Variants in MORN1 observed in about 807,000 individuals in gnomAD.
MORN1 encodes MORN repeat-containing protein 1.
MORN1 carries 67 observed loss-of-function variants against 61.9 expected under a neutral mutation model. The observed-to-expected ratio is 1.08, with a 90% CI of 0.89 to 1.33. The LOEUF (loss-of-function observed/expected upper bound fraction) is 1.33, where lower values mean the gene tolerates loss of function less well. MORN1 is among the 40% of genes most tolerant of loss of function. The probability of loss-of-function intolerance (pLI) is 0.00; values close to 1 mark genes in which losing one functional copy is unlikely to be tolerated. For missense variants in MORN1, 752 were observed against 691.2 expected (o/e 1.09, Z -0.99); for synonymous variants, 301 against 292.0 (o/e 1.03, Z -0.31).
At chr1:2,387,214 G>A (rs3736331) in intron 4 of MORN1, 43,934 of 592,046 alleles carry the variant, frequency 0.074, 2,762 homozygotes, top group South Asian at 0.22. Flanking sequence ...ATCAAGCGCC[G>A]CAGGACCCGC....
intron 13 of MORN1, chr1:2,321,962 T>G: frequency 2.1e-6 from 2 of 960,640 alleles, no homozygotes. Context: ...GCAAATACTT[T>G]CCTACTTTTT....
chr1:2,324,943 G>C lies in MORN1; in HGVS notation c.1251-800C>G, dbSNP rs377021319. On this transcript the variant is annotated intron_variant, in intron 12 of 13. Coordinates refer to ENST00000378531, the MANE Select transcript of MORN1 (RefSeq NM_024848.3). Reference sequence around the variant, plus strand: ...CTGAGGACGTGGCCATGGCCCTGGCGGGGAGGAGGCAGTCCCTGCACGTGA... The same window carrying C: ...CTGAGGACGTGGCCATGGCCCTGGCCGGGAGGAGGCAGTCCCTGCACGTGA... 1.9e-3 allele frequency among the ~76,000 whole-genome samples: 281 copies of C among 149,366 alleles called. 1 individual carries two copies. Among genetic ancestry groups the C allele is most frequent in the Middle Eastern group, 6.9e-3 (2 of 290 alleles).
chr1:2,379,669 G>A (rs76295325), intron 6 of MORN1, among the ~76,000 whole-genome samples: 80 of 152,322 alleles, frequency 5.3e-4, no homozygotes, highest in African/African-American at 1.6e-3. Context: ...GGGTGGGCTT[G>A]CATCTCAATT....
rs560205474 is a variant in MORN1 at position 2,339,971 on chromosome 1, C to T, written c.1037-3121G>A. 7.2e-5 allele frequency among the ~76,000 whole-genome samples: 11 copies of T among 152,372 alleles called. 1 individual carries two copies. The South Asian group carries it at 2.3e-3, about 32-fold the overall frequency. ...GGCACCCTCTGTGCAGACACAGGCG[C>T]CTCCGCCGCGCGGCTTCTCCGTGTT... On this transcript the variant is annotated intron_variant, in intron 10 of 13. Coordinates refer to ENST00000378531, the MANE Select transcript of MORN1 (RefSeq NM_024848.3).
chr1:2,379,018 A>T (rs1057134737), intron 6 of MORN1: 1 of 470,868 alleles, frequency 2.1e-6, no homozygotes, highest in African/African-American at 2.0e-5. Flanking sequence ...ATTTTTTTCT[A>T]GAATGCATTT....
rs1641798673 is a variant in MORN1, at chr1:2,357,383, G to A, written c.1036+49C>T. On this transcript the variant is annotated intron_variant, in intron 10 of 13. Coordinates refer to ENST00000378531, the MANE Select transcript of MORN1 (RefSeq NM_024848.3). This position sits in a 1 kb window ranked among gnomAD's most constrained non-coding sequence, Gnocchi z 6.3. ...CCATGACCCCACCCCCACCTTGACT[G>A]CTGGGCCTGGGCCCACCCACCCCCA... 1.3e-6 allele frequency: 2 copies of A among 1,521,020 alleles called. No individual in the cohort carries two copies. The highest frequency in any genetic ancestry group is 1.8e-6 in the Non-Finnish European group (2 of 1,130,364). The allele number at this position is 1,521,020 out of a possible 1,614,324, so 94.2% of individuals were successfully genotyped here.
chr1:2,372,772 G>A lies in MORN1; in HGVS notation c.635-181C>T, dbSNP rs1392497933. Among the ~76,000 whole-genome samples, 1 of 151,956 alleles carries A rather than the reference G, an allele frequency of 6.6e-6. No individual in the cohort carries two copies. Among genetic ancestry groups the A allele is most frequent in the South Asian group, 2.1e-4 (1 of 4,826 alleles). ...TTGCAGAGCAGCGACCTGGGCAGTC[G>A]TCCACACTCAGACCGTGAGGCTCGG... is the stretch of plus-strand genomic sequence containing the variant. On this transcript the variant is annotated intron_variant, in intron 7 of 13. Coordinates refer to ENST00000378531, the MANE Select transcript of MORN1 (RefSeq NM_024848.3). This position sits in a 1 kb window ranked among gnomAD's most constrained non-coding sequence, Gnocchi z 5.4.
chr1:2,346,025 T>G (rs1368307872), intron 10 of MORN1, among the ~76,000 whole-genome samples: 1 of 147,444 alleles, frequency 6.8e-6, no homozygotes. Context: ...ACCAGGAACC[T>G]TCCTCAGACA....
At chr1:2,330,533 G>C (rs1341038754) in intron 12 of MORN1, among the ~76,000 whole-genome samples, 1 of 152,214 alleles carries the variant, frequency 6.6e-6, no homozygotes. Flanking sequence ...GCCAGGAAGG[G>C]GCTCGGTGGG....
At position 2,357,366 on chromosome 1, in the gene MORN1, C is replaced by T; in HGVS notation, c.1036+66G>A. On this transcript the variant is annotated intron_variant, in intron 10 of 13. Transcript: ENST00000378531. The surrounding 1 kb of genome is among the most constrained non-coding windows in gnomAD (Gnocchi z 6.3). ...GGCCTGGTTCTGGGTCCCCATGACCCCACCCCCACCTTGACTGCTGGGCCT... is the reference window on the plus strand; with the variant it reads ...GGCCTGGTTCTGGGTCCCCATGACCTCACCCCCACCTTGACTGCTGGGCCT... The T allele has an allele frequency of 6.6e-7, 1 of 1,518,124 alleles. No homozygotes were observed. Among genetic ancestry groups the T allele is most frequent in the South Asian group, 1.3e-5 (1 of 78,366 alleles). The allele number at this position is 1,518,124 out of a possible 1,614,324, so 94.0% of individuals were successfully genotyped here.
rs1002091950 is a variant in MORN1, at chr1:2,370,972, A to G, written c.745+1509T>C. Among the ~76,000 whole-genome samples the G allele has an allele frequency of 9.9e-5, 15 of 151,850 alleles. No individual in the cohort carries two copies. In the South Asian group the frequency reaches 1.0e-3, roughly 11 times the overall value. ...TGTAATCCCAGCACTTTGGGAGGCCAAGGCGGGTGGATCACGAGGTCAGGA... is the reference window on the plus strand; with the variant it reads ...TGTAATCCCAGCACTTTGGGAGGCCGAGGCGGGTGGATCACGAGGTCAGGA... On this transcript the variant is annotated intron_variant, in intron 8 of 13. Coordinates refer to ENST00000378531, the MANE Select transcript of MORN1 (RefSeq NM_024848.3).
chr1:2,326,462 G>C (rs1340043513), intron 12 of MORN1: 1 of 152,254 alleles, frequency 6.6e-6, no homozygotes, highest in Non-Finnish European at 1.5e-5. Context: ...TCTCGGCCTA[G>C]GGAGGAGGTG....
Position 2,348,252 on chromosome 1 carries a change from C to A in MORN1, c.1036+9180G>T, listed in dbSNP as rs1389144434. ...GTCTGAGGTCTCATCACAGAGAGAC[C>A]CGGGTTACGCATCTTTGGCAGGAGA... On this transcript the variant is annotated intron_variant, in intron 10 of 13. Transcript: ENST00000378531. Among the ~76,000 whole-genome samples the A allele has an allele frequency of 3.9e-5, 6 of 152,232 alleles. 1 individual carries two copies. The highest frequency in any genetic ancestry group is 7.3e-5 in the Non-Finnish European group (5 of 68,034).
intron 13 of MORN1, 102 bp from the exon 14 acceptor site, chr1:2,321,681 C>A (rs956800871): frequency 1.5e-6 from 2 of 1,362,294 alleles, no homozygotes; most frequent in African/African-American, 1.5e-5. Context: ...GGCCCCTGTG[C>A]CCCCGACCCT....
intron 12 of MORN1, 149 bp downstream of exon 12, chr1:2,336,320 G>T (rs1049503838): frequency 9.8e-6 from 7 of 712,096 alleles, no homozygotes; most frequent in Non-Finnish European, 1.5e-5. Flanking sequence ...CTGGCGGGGG[G>T]GCTCTCTGGA....
At chr1:2,322,062 C>G in intron 13 of MORN1, 1 of 985,380 alleles carries the variant, frequency 1.0e-6, no homozygotes, top group South Asian at 4.7e-5. Flanking sequence ...CTTTTGAAGC[C>G]CCGCCCTGGC....
chr1:2,332,784 T>C (rs1327196645), intron 12 of MORN1: 3 of 455,284 alleles, frequency 6.6e-6, no homozygotes, highest in Admixed American at 2.4e-5. Flanking sequence ...CATGAGTGAG[T>C]GAGGCTTTGG....
Position 2,357,523 on chromosome 1 carries a change from C to T in MORN1, c.945G>A (p.Gly315=). 6.2e-7 allele frequency: 1 copy of T among 1,612,796 alleles called. No individual in the cohort carries two copies. ...TGGGCAGGGGCACGTCGGCTTCTGC[C>T]CCTCCCTTGGCAGCTCTGGGCCCCG... ...GVPGPRAAKG[G]AEADVPLPRG... Residue 315 remains glycine, a synonymous_variant, in exon 10 of 14, where the codon GGG becomes GGA. Coordinates refer to ENST00000378531, the MANE Select transcript of MORN1 (RefSeq NM_024848.3). This position sits in a 1 kb window ranked among gnomAD's most constrained non-coding sequence, Gnocchi z 6.3.
chr1:2,374,456 C>A lies in MORN1; in HGVS notation c.634+5G>T, dbSNP rs758982972. On this transcript the variant is annotated splice_donor_5th_base_variant and intron_variant, in intron 7 of 13. Transcript: ENST00000378531. ...CAGTGCCCACAGGAAGGCAGGGACA[C>A]CTACCTGCTGGGTGGCCATTGATCC... The A allele has an allele frequency of 6.3e-7, 1 of 1,579,876 alleles. No individual in the cohort carries two copies. The highest frequency in any genetic ancestry group is 1.9e-5 in the Admixed American group (1 of 53,984).
Sources: allele counts gnomAD v4.1 joint callset (sites outside exome capture counted in the v4.1 genomes callset), GRCh38; gene constraint gnomAD v4.1.1; non-coding constraint Gnocchi (gnomAD v3.1); transcripts MANE v1.5; gene names NCBI Gene and HGNC (gene_info 2026-07-23, HGNC 2026-07-21).